Variants in NCR1 observed in about 807,000 individuals in gnomAD.
NCR1 encodes the protein NK cell-activating receptor.
A neutral mutation model predicts 32.5 loss-of-function variants in NCR1; 30 were observed. That is an observed-to-expected ratio of 0.92 (90% confidence interval 0.69 to 1.25). The LOEUF is 1.25. NCR1 is among the 50% of genes most tolerant of loss of function. The pLI, the probability that NCR1 is intolerant of heterozygous loss-of-function variation, is 0.00. For synonymous variants in NCR1, 169 were observed against 143.4 expected (o/e 1.18, Z -1.28); for missense variants, 369 against 380.7 (o/e 0.97, Z 0.26).
chr19:54,903,095 AC>A (rs1339824382), upstream of NCR1, among the ~76,000 whole-genome samples: 1 of 151,836 alleles, frequency 6.6e-6, no homozygotes, highest in Non-Finnish European at 1.5e-5. Flanking sequence ...GCACCACTGC[AC>A]CCCAGCTTGA....
At position 54,906,772 on chromosome 19, in the gene NCR1, C is replaced by A; in HGVS notation, c.320C>A (p.Ser107Ter). 6.2e-7 allele frequency: 1 copy of A among 1,614,188 alleles called. No homozygotes were observed. Among genetic ancestry groups the A allele is most frequent in the Non-Finnish European group, 8.5e-7 (1 of 1,180,036 alleles). ...SCIYRVGELW[S>*]EPSNLLDLVV... Reference sequence around the variant, plus strand: ...ATCTATCGGGTTGGGGAGCTCTGGTCAGAGCCCAGCAACTTGCTGGATCTG... The same window carrying A: ...ATCTATCGGGTTGGGGAGCTCTGGTAAGAGCCCAGCAACTTGCTGGATCTG... The change falls in exon 3 of 7, where the codon TCA becomes TAA. Residue 107 changes from serine (S) to a stop codon, truncating the protein, a stop_gained. Coordinates refer to ENST00000291890, the MANE Select transcript of NCR1 (RefSeq NM_004829.7). LOFTEE classifies it high-confidence loss of function.
At chr19:54,910,548 C>T (rs2067918532) in intron 5 of NCR1, among the ~76,000 whole-genome samples, 1 of 152,022 alleles carries the variant, frequency 6.6e-6, no homozygotes, top group African/African-American at 2.4e-5. Context: ...CACTCCACTG[C>T]ACGACACAGC....
rs2146036417 is a variant in NCR1 at position 54,906,771 on chromosome 19, T to A, written c.319T>A (p.Ser107Thr). Residue 107 changes from serine (S) to threonine (T), a missense_variant, in exon 3 of 7, where the codon TCA becomes ACA. Coordinates refer to ENST00000291890, the MANE Select transcript of NCR1 (RefSeq NM_004829.7). ...CATCTATCGGGTTGGGGAGCTCTGG[T>A]CAGAGCCCAGCAACTTGCTGGATCT... ...SCIYRVGELW[S>T]EPSNLLDLVV... 1 of 1,614,210 alleles carries A rather than the reference T, an allele frequency of 6.2e-7. No individual in the cohort carries two copies. The highest frequency in any genetic ancestry group is 1.3e-5 in the African/African-American group (1 of 75,066).
In NCR1 at chr19:54,906,334, C is replaced by T; in HGVS notation, c.70C>T (p.Gln24Ter). 1 of 1,613,566 alleles carries T rather than the reference C, an allele frequency of 6.2e-7. No homozygotes were observed. The highest frequency in any genetic ancestry group is 8.5e-7 in the Non-Finnish European group (1 of 1,180,032). ...GAGTCAGAGGATCAGCGCCCAGCAG[C>T]GTGAGTCCTTCCTTCAAAGCCCAGG... is the stretch of plus-strand genomic sequence containing the variant. The part of the protein sequence containing the change: ...CLSQRISAQQ[Q>*]TLPKPFIWAE... Residue 24 changes from glutamine to a stop codon, truncating the protein, a stop_gained and splice_region_variant, in exon 2 of 7, where the codon CAG becomes TAG. Coordinates refer to ENST00000291890, the MANE Select transcript of NCR1 (RefSeq NM_004829.7). LOFTEE classifies it high-confidence loss of function.
upstream of NCR1, chr19:54,906,085 G>C (rs867797009): frequency 6.9e-7 from 1 of 1,445,016 alleles, no homozygotes; most frequent in Non-Finnish European, 9.7e-7. Context: ...AAGCGCTCTG[G>C]TGATGGGCGC....
chr19:54,928,834 C>T, the NCR1 span, among the ~76,000 whole-genome samples: 1 of 151,882 alleles, frequency 6.6e-6, no homozygotes, highest in East Asian at 1.9e-4. Flanking sequence ...CAGAGTTTCA[C>T]TCTTGTTGCC....
intron 3 of NCR1, among the ~76,000 whole-genome samples, chr19:54,908,418 C>T (rs2067750023): frequency 6.6e-6 from 1 of 152,152 alleles, no homozygotes. Flanking sequence ...AATCTGATCT[C>T]TCTTTCTTTT....
At chr19:54,929,262 A>C in the NCR1 span, among the ~76,000 whole-genome samples, 1 of 151,954 alleles carries the variant, frequency 6.6e-6, no homozygotes, top group Non-Finnish European at 1.5e-5. Flanking sequence ...CCAACTACTC[A>C]GCTCAATCAG....
chr19:54,906,104 AC>A, upstream of NCR1: 55 of 1,554,132 alleles, frequency 3.5e-5, no homozygotes, highest in Non-Finnish European at 4.9e-5. Context: ...GCTGGTGCTC[AC>A]CCACCACTTC....
chr19:54,936,316 T>A, the NCR1 span: 3 of 1,614,026 alleles, frequency 1.9e-6, no homozygotes, highest in Non-Finnish European at 1.7e-6. Flanking sequence ...AGCATCAGCA[T>A]CATCGTGCGT....
Position 54,906,220 on chromosome 19 carries a change from C to A in NCR1, c.33C>A (p.Val11=). MSSTLPALLC[V]GLCLSQRISA... is the part of the protein sequence containing the mutation. ...CCACACTCCCTGCCCTGCTCTGCGT[C>A]GGTGAGTTCTGGCGTGGAAGGGGAA... The change falls in exon 1 of 7, where the codon GTC becomes GTA. Residue 11 remains valine, a splice_region_variant and synonymous_variant. Coordinates refer to ENST00000291890, the MANE Select transcript of NCR1 (RefSeq NM_004829.7). 6.2e-7 allele frequency: 1 copy of A among 1,614,172 alleles called. No homozygotes were observed. Among genetic ancestry groups the A allele is most frequent in the Non-Finnish European group, 8.5e-7 (1 of 1,180,036 alleles).
the NCR1 span, among the ~76,000 whole-genome samples, chr19:54,935,732 G>C: frequency 1.3e-5 from 2 of 150,962 alleles, no homozygotes; most frequent in African/African-American, 2.4e-5. Flanking sequence ...TGAGTGCAGA[G>C]AAGGTTGCAT....
the NCR1 span, among the ~76,000 whole-genome samples, chr19:54,928,481 T>C: frequency 1.3e-5 from 2 of 152,266 alleles, no homozygotes; most frequent in East Asian, 1.9e-4. Flanking sequence ...GAAGAAATCC[T>C]TGTCCTCAGA....
chr19:54,907,263 C>T (rs2067680847), intron 3 of NCR1, among the ~76,000 whole-genome samples: 1 of 150,930 alleles, frequency 6.6e-6, no homozygotes, highest in African/African-American at 2.4e-5. Flanking sequence ...TCAAGTGATT[C>T]TCCAGCCTCA....
chr19:54,915,234 G>T (rs990777500), downstream of NCR1, among the ~76,000 whole-genome samples: 3 of 152,106 alleles, frequency 2.0e-5, no homozygotes, highest in African/African-American at 7.2e-5. Context: ...TATCAAATGA[G>T]TGAATGTATA....
chr19:54,911,414 G>GTATGTGTA, intron 5 of NCR1, among the ~76,000 whole-genome samples: 1 of 150,286 alleles, frequency 6.7e-6, no homozygotes. Context: ...CACTATGTGT[G>GTATGTGTA]AGGAGAAAGA....
chr19:54,934,735 A>G, the NCR1 span: 3 of 1,237,776 alleles, frequency 2.4e-6, no homozygotes, highest in African/African-American at 4.6e-5. This position sits in a 1 kb window ranked among gnomAD's most constrained non-coding sequence, Gnocchi z 6.7. Context: ...TTTGAGACAG[A>G]GTTTCACTCT....
At chr19:54,905,461 G>A (rs2067529240), upstream of NCR1, among the ~76,000 whole-genome samples, 1 of 151,968 alleles carries the variant, frequency 6.6e-6, no homozygotes, top group Non-Finnish European at 1.5e-5. Flanking sequence ...GTGGGGTTGG[G>A]GGAGATCTGT....
chr19:54,918,049 C>T (rs567244423), downstream of NCR1, among the ~76,000 whole-genome samples: 12 of 152,008 alleles, frequency 7.9e-5, no homozygotes, highest in Non-Finnish European at 1.5e-4. Flanking sequence ...CTCCGCCTCC[C>T]GGGATCACAC....
Sources: gnomAD v4.1 joint callset for allele counts (sites outside exome capture counted in the v4.1 genomes callset) on GRCh38, gnomAD v4.1.1 for gene constraint, Gnocchi (gnomAD v3.1) non-coding constraint, MANE v1.5 for transcripts, NCBI Gene and HGNC (gene_info 2026-07-23, HGNC 2026-07-21) for gene names.